The following GPC5 variants were observed in gnomAD, a reference collection of about 807,000 sequenced individuals.
GPC5 encodes glypican 5.
GPC5 carries 47 observed loss-of-function variants against 53.9 expected under a neutral mutation model. That is an observed-to-expected ratio of 0.87 (90% CI 0.69 to 1.11). The LOEUF is 1.11. GPC5 is among the 50% of genes most tolerant of loss of function. GPC5 has a pLI of 0.00. For missense variants in GPC5, 748 were observed against 713.1 expected (o/e 1.05, Z -0.56); for synonymous variants, 286 against 263.3 (o/e 1.09, Z -0.84).
intron 2 of GPC5, among the ~76,000 whole-genome samples, chr13:91,454,176 C>T (rs984555945): frequency 2.0e-5 from 3 of 151,970 alleles, no homozygotes; most frequent in Non-Finnish European, 2.9e-5. Flanking sequence ...CGTCAACAGG[C>T]TTATATTAAT....
chr13:92,483,151 G>A (rs770169462), intron 7 of GPC5, among the ~76,000 whole-genome samples: 76 of 152,300 alleles, frequency 5.0e-4, no homozygotes, highest in Non-Finnish European at 6.8e-4. Flanking sequence ...GACATGTGGG[G>A]ATTATTACAA....
chr13:92,090,514 G>A (rs774490287), intron 6 of GPC5, among the ~76,000 whole-genome samples: 8 of 152,120 alleles, frequency 5.3e-5, no homozygotes, highest in Admixed American at 2.0e-4. Context: ...TCCTCACCAC[G>A]TCTTATGGCA....
intron 7 of GPC5, among the ~76,000 whole-genome samples, chr13:92,312,029 T>A (rs6492597): frequency 0.5 from 75,380 of 151,932 alleles, 21,029 homozygotes; most frequent in African/African-American, 0.77. Flanking sequence ...AAGTCAGATG[T>A]TATAGGAACA....
intron 7 of GPC5, among the ~76,000 whole-genome samples, chr13:92,743,788 A>T (rs1889170561): frequency 6.6e-6 from 1 of 152,204 alleles, no homozygotes; most frequent in African/African-American, 2.4e-5. Flanking sequence ...GAGAGTTTTT[A>T]ACATGAAGGC....
intron 7 of GPC5, among the ~76,000 whole-genome samples, chr13:92,456,684 C>T (rs1878279440): frequency 2.0e-5 from 3 of 152,136 alleles, no homozygotes; most frequent in Admixed American, 2.0e-4. Flanking sequence ...ATTTCTGTCA[C>T]CTCTTTCTCT....
intron 5 of GPC5, among the ~76,000 whole-genome samples, chr13:91,821,428 T>A (rs1594594727): frequency 6.6e-6 from 1 of 152,326 alleles, no homozygotes; most frequent in African/African-American, 2.4e-5. Flanking sequence ...CTTTTTTCAA[T>A]CCTTATACAT....
intron 2 of GPC5, among the ~76,000 whole-genome samples, chr13:91,675,050 T>C (rs565524338): frequency 9.1e-4 from 138 of 152,194 alleles, no homozygotes; most frequent in African/African-American, 3.1e-3. Context: ...CTACACGTGC[T>C]TTTCAGATGT....
chr13:92,727,886 T>G (rs1888687440), intron 7 of GPC5, among the ~76,000 whole-genome samples: 1 of 151,352 alleles, frequency 6.6e-6, no homozygotes, highest in Admixed American at 6.6e-5. Flanking sequence ...TCTCTAACAG[T>G]CAGTTTACTA....
chr13:91,730,894 C>G (rs1326112146), intron 4 of GPC5, among the ~76,000 whole-genome samples: 1 of 152,142 alleles, frequency 6.6e-6, no homozygotes, highest in Non-Finnish European at 1.5e-5. Context: ...AACATCCAGG[C>G]CACATTTAGA....
At chr13:92,429,113 T>C (rs943123742) in intron 7 of GPC5, among the ~76,000 whole-genome samples, 10 of 152,074 alleles carry the variant, frequency 6.6e-5, no homozygotes, top group Non-Finnish European at 1.3e-4. Flanking sequence ...TTTAAGTATA[T>C]TGTTTTCACC....
intron 7 of GPC5, among the ~76,000 whole-genome samples, chr13:92,435,081 A>G (rs1025540565): frequency 3.3e-5 from 5 of 151,898 alleles, no homozygotes; most frequent in African/African-American, 1.2e-4. Flanking sequence ...CACCCAGCTA[A>G]TTTTTGTATT....
At chr13:92,334,321 A>G (rs1012838280) in intron 7 of GPC5, among the ~76,000 whole-genome samples, 19 of 152,220 alleles carry the variant, frequency 1.2e-4, no homozygotes, top group Admixed American at 1.2e-3. Context: ...ATCAAGTCGC[A>G]TGAGACTTAT....
intron 7 of GPC5, among the ~76,000 whole-genome samples, chr13:92,708,560 G>A (rs1244840569): frequency 1.3e-5 from 2 of 152,070 alleles, no homozygotes; most frequent in South Asian, 2.1e-4. Flanking sequence ...TTTCCTGATA[G>A]TGTTTATAAG....
intron 2 of GPC5, among the ~76,000 whole-genome samples, chr13:91,499,667 C>G (rs1164601132): frequency 6.6e-6 from 1 of 152,174 alleles, no homozygotes; most frequent in Admixed American, 6.5e-5. Context: ...TTAGCGCTCT[C>G]CAGGTGGTTA....
At chr13:92,554,920 C>G (rs1182036310) in intron 7 of GPC5, among the ~76,000 whole-genome samples, 4 of 146,372 alleles carry the variant, frequency 2.7e-5, no homozygotes, top group Admixed American at 1.4e-4. Context: ...CACTTCATAA[C>G]CTCATGTAAG....
At chr13:92,685,563 T>TTTTTTTTTTTAA (rs1887245837) in intron 7 of GPC5, among the ~76,000 whole-genome samples, 3 of 138,596 alleles carry the variant, frequency 2.2e-5, no homozygotes, top group African/African-American at 8.4e-5. Context: ...TTTTTTAATT[T>TTTTTTTTTTTAA]TTTTTTTTTT....
chr13:92,054,670 A>G (rs141221985), intron 6 of GPC5, among the ~76,000 whole-genome samples: 1 of 152,312 alleles, frequency 6.6e-6, no homozygotes. Context: ...AATATTTGCT[A>G]TCTGCAAGGA....
At chr13:92,198,149 A>G (rs953998969) in intron 7 of GPC5, among the ~76,000 whole-genome samples, 1 of 152,116 alleles carries the variant, frequency 6.6e-6, no homozygotes, top group African/African-American at 2.4e-5. Context: ...ATAGCATCCT[A>G]TTATTTTACA....
intron 5 of GPC5, among the ~76,000 whole-genome samples, chr13:91,836,238 T>C (rs1046327198): frequency 2.0e-5 from 3 of 152,204 alleles, no homozygotes; most frequent in African/African-American, 7.2e-5. Flanking sequence ...ATTAAAATAA[T>C]TACTTTTCAG....
Sources: allele counts gnomAD v4.1 joint callset (sites outside exome capture counted in the v4.1 genomes callset), GRCh38; gene constraint gnomAD v4.1.1; transcripts MANE v1.5; gene names NCBI Gene and HGNC (gene_info 2026-07-23, HGNC 2026-07-21).